ACOT11: variants seen among roughly 807,000 people sequenced by gnomAD.
ACOT11 encodes acyl-coenzyme A thioesterase 11.
ACOT11 carries 69 observed loss-of-function variants against 77.5 expected under a neutral mutation model. That is an observed-to-expected ratio of 0.89 (90% CI 0.73 to 1.09). The LOEUF (loss-of-function observed/expected upper bound fraction) is 1.09, where lower values mean the gene tolerates loss of function less well. Among genes scored for constraint, ACOT11 ranks in the 50% least tolerant of loss-of-function variants. The probability of loss-of-function intolerance (pLI) is 0.00; values close to 1 mark genes in which losing one functional copy is unlikely to be tolerated. For missense variants in ACOT11, 766 were observed against 813.7 expected (o/e 0.94, Z 0.71); for synonymous variants, 279 against 313.0 (o/e 0.89, Z 1.15).
intron 15 of ACOT11, chr1:54,630,678 C>T (rs777470581): frequency 4.3e-5 from 25 of 576,844 alleles, no homozygotes; most frequent in Non-Finnish European, 7.7e-5. Flanking sequence ...CTGTGAGACC[C>T]CTGATTTCCC....
chr1:54,629,209 T>C lies in ACOT11; in HGVS notation c.1630-1525T>C, dbSNP rs1644287388. Among the ~76,000 whole-genome samples the C allele has an allele frequency of 2.2e-5, 3 of 133,890 alleles. 1 individual carries two copies. Among genetic ancestry groups the C allele is most frequent in the Middle Eastern group, 8.4e-3 (2 of 238 alleles). 87.8% of individuals were successfully genotyped at this position (133,890 alleles called of 152,430 possible). ...GGCACCATGGGTGAAAACCAAGAGA[T>C]GATGTAAACAGCAGAATCAGACCCA... On this transcript the variant is annotated intron_variant, in intron 15 of 16. Coordinates refer to the ACOT11 transcript ENST00000371316.
At position 54,604,074 on chromosome 1, in the gene ACOT11, A is replaced by G. The variant is rs1030123976; in HGVS notation, c.1152+137A>G. On this transcript the variant is annotated intron_variant, in intron 11 of 15. Transcript: ENST00000343744. The stretch of plus-strand genomic sequence containing the variant: ...ACGCCTCATGATTGCTACCATTAGC[A>G]AAGAGCTGGCCTGCGTCCCTGTTTG... The G allele has an allele frequency of 3.6e-6, 3 of 840,266 alleles. No individual in the cohort carries two copies. The African/African-American group carries it at 5.1e-5, about 14-fold the overall frequency. 52.1% of individuals were successfully genotyped at this position (840,266 alleles called of 1,614,324 possible).
intron 15 of ACOT11, among the ~76,000 whole-genome samples, chr1:54,616,548 A>G (rs1033378599): frequency 6.6e-6 from 1 of 151,846 alleles, no homozygotes; most frequent in East Asian, 1.9e-4. Context: ...TAATTTTTGT[A>G]TTTAGTGGAG....
Position 54,610,085 on chromosome 1 carries a change from A to T in ACOT11, c.*973A>T. ...ATCTGTCAACCCAGTTTTGGGCTCCAGGTGGATGGGTTGCTTTATAAATGT... is the reference window on the plus strand; with the variant it reads ...ATCTGTCAACCCAGTTTTGGGCTCCTGGTGGATGGGTTGCTTTATAAATGT... On this transcript the variant is annotated 3_prime_UTR_variant, in exon 16 of 16. Coordinates refer to ENST00000343744, the MANE Select transcript of ACOT11 (RefSeq NM_147161.4). The T allele has an allele frequency of 7.0e-7, 1 of 1,435,972 alleles. No individual in the cohort carries two copies. Among genetic ancestry groups the T allele is most frequent in the Non-Finnish European group, 9.1e-7 (1 of 1,100,308 alleles). The allele number at this position is 1,435,972 out of a possible 1,614,324, so 89.0% of individuals were successfully genotyped here.
intron 4 of ACOT11, among the ~76,000 whole-genome samples, chr1:54,592,807 G>A (rs1654759701): frequency 6.6e-6 from 1 of 152,202 alleles, no homozygotes; most frequent in Non-Finnish European, 1.5e-5. Flanking sequence ...CAGGAAAATC[G>A]AGGCCCAGGA....
intron 1 of ACOT11, among the ~76,000 whole-genome samples, chr1:54,559,033 T>C (rs1032933621): frequency 2.6e-5 from 4 of 151,572 alleles, no homozygotes; most frequent in Admixed American, 6.6e-5. Context: ...AACAGGGAGG[T>C]GGGTAAAAGG....
Position 54,593,792 on chromosome 1 carries a change from G to A in ACOT11, c.373-149G>A, listed in dbSNP as rs1179186548. 2.4e-5 allele frequency: 16 copies of A among 656,970 alleles called. No individual in the cohort carries two copies. The East Asian group carries it at 4.3e-4, about 18-fold the overall frequency. 40.7% of individuals were successfully genotyped at this position (656,970 alleles called of 1,614,324 possible). On this transcript the variant is annotated intron_variant, in intron 4 of 15. Transcript: ENST00000343744. ...AAGGGCAGAGTCAAACCCCCCCTCA[G>A]ATCTCTGGCCTCCCAGACCTGGTAG...
intron 1 of ACOT11, among the ~76,000 whole-genome samples, chr1:54,556,169 T>C (rs533411209): frequency 2.4e-4 from 36 of 152,334 alleles, no homozygotes; most frequent in Middle Eastern, 3.4e-3. Flanking sequence ...TCTGGCACCT[T>C]TGTTGAAAAT....
chr1:54,582,495 G>C (rs1393145786), intron 1 of ACOT11: 1 of 985,296 alleles, frequency 1.0e-6, no homozygotes, highest in Non-Finnish European at 1.2e-6. Context: ...CAGTGAGCAA[G>C]GCACAGGTCC....
intron 1 of ACOT11, among the ~76,000 whole-genome samples, chr1:54,550,119 A>C (rs1238980456): frequency 6.6e-6 from 1 of 152,206 alleles, no homozygotes; most frequent in East Asian, 1.9e-4. Context: ...CACTGGTAGG[A>C]AGTGGCAGAG....
chr1:54,577,363 C>T (rs374954660), intron 1 of ACOT11, among the ~76,000 whole-genome samples: 7 of 152,106 alleles, frequency 4.6e-5, no homozygotes, highest in South Asian at 2.1e-4. Context: ...TAGATTTATC[C>T]GCTAATATGG....
In ACOT11 at chr1:54,629,522, G is replaced by A. The variant is rs957740651; in HGVS notation, c.1630-1212G>A. Among the ~76,000 whole-genome samples, 6 of 133,310 alleles carry A rather than the reference G, an allele frequency of 4.5e-5. 2 individuals are homozygous for A. Among genetic ancestry groups the A allele is most frequent in the Non-Finnish European group, 8.5e-5 (5 of 58,958 alleles). The allele number at this position is 133,310 out of a possible 152,430, so 87.5% of individuals were successfully genotyped here. On this transcript the variant is annotated intron_variant, in intron 15 of 16. Transcript: ENST00000371316. ...AGGGTGGTCTCAATCTCCTGACCTC[G>A]TGATACGCCTGCCTCAGCCTCCTAA...
intron 1 of ACOT11, among the ~76,000 whole-genome samples, chr1:54,555,825 A>G (rs1391031299): frequency 6.6e-6 from 1 of 151,718 alleles, no homozygotes; most frequent in Non-Finnish European, 1.5e-5. Flanking sequence ...GCTCACTGCA[A>G]CCTCCGCCTC....
At chr1:54,616,669 G>A (rs754759534) in intron 15 of ACOT11, among the ~76,000 whole-genome samples, 6 of 152,036 alleles carry the variant, frequency 3.9e-5, no homozygotes, top group Non-Finnish European at 5.9e-5. Context: ...CACCGTGCCC[G>A]GCCCTATGCA....
intron 15 of ACOT11, among the ~76,000 whole-genome samples, chr1:54,618,474 C>T (rs1644197460): frequency 6.6e-6 from 1 of 152,118 alleles, no homozygotes; most frequent in African/African-American, 2.4e-5. Context: ...CAGTGCACTC[C>T]AGCCTGGGCA....
At chr1:54,603,214 G>A (rs2101002258) in intron 10 of ACOT11, among the ~76,000 whole-genome samples, 1 of 152,342 alleles carries the variant, frequency 6.6e-6, no homozygotes, top group South Asian at 2.1e-4. Flanking sequence ...GCTCTCGCCT[G>A]TAGTCCCAGT....
At chr1:54,606,100 C>T (rs1464055444) in intron 13 of ACOT11, among the ~76,000 whole-genome samples, 3 of 152,196 alleles carry the variant, frequency 2.0e-5, no homozygotes, top group Non-Finnish European at 4.4e-5. Context: ...ACATGGGCTT[C>T]CTGCTGAAGG....
rs1297282217 is a variant in ACOT11, at chr1:54,597,468, C to T, written c.764+53C>T. 1.9e-5 allele frequency: 29 copies of T among 1,532,456 alleles called. No homozygotes were observed. The South Asian group carries it at 3.6e-4, about 19-fold the overall frequency. 94.9% of individuals were successfully genotyped at this position (1,532,456 alleles called of 1,614,324 possible). On this transcript the variant is annotated intron_variant, in intron 7 of 15. Transcript: ENST00000343744. ...TCCCCTCCTTTCTCCTCCTCCTCCCCTTGGCTACCTCCCTCTGGAGGGGAA... is the reference window on the plus strand; with the variant it reads ...TCCCCTCCTTTCTCCTCCTCCTCCCTTTGGCTACCTCCCTCTGGAGGGGAA...
At chr1:54,610,600 G>A (rs748241500), downstream of ACOT11, 1 of 1,594,636 alleles carries the variant, frequency 6.3e-7, no homozygotes, top group Non-Finnish European at 8.6e-7. Flanking sequence ...GCCATTCACA[G>A]AACACCTTAC....
Sources: allele counts gnomAD v4.1 joint callset (sites outside exome capture counted in the v4.1 genomes callset), GRCh38; gene constraint gnomAD v4.1.1; transcripts MANE v1.5; gene names NCBI Gene and HGNC (gene_info 2026-07-23, HGNC 2026-07-21).